The following PCYT1B variants were observed in gnomAD, a reference collection of about 807,000 sequenced individuals.
PCYT1B encodes choline-phosphate cytidylyltransferase B.
PCYT1B carries 10 observed loss-of-function variants against 26.4 expected under a neutral mutation model. That is an observed-to-expected ratio of 0.38 (90% confidence interval 0.23 to 0.64). PCYT1B has a LOEUF of 0.64. Among genes scored for constraint, PCYT1B ranks in the 30% least tolerant of loss-of-function variants. PCYT1B has a pLI of 0.56. For missense variants in PCYT1B, 161 were observed against 292.7 expected (o/e 0.55, Z 3.28); for synonymous variants, 131 against 108.4 (o/e 1.21, Z -1.29).
chrX:24,573,151 C>T (rs1300447119), intron 7 of PCYT1B, among the ~76,000 whole-genome samples: 2 of 73,427 alleles, frequency 2.7e-5, no homozygotes, highest in African/African-American at 4.2e-5. Flanking sequence ...CACACACACA[C>T]ACACACACAC....
chrX:24,618,695 G>A (rs944048491), intron 2 of PCYT1B, among the ~76,000 whole-genome samples: 3 of 108,112 alleles, frequency 2.8e-5, no homozygotes, highest in Non-Finnish European at 5.7e-5. Context: ...TCGGCTCACT[G>A]CAATCTCCAC....
intron 5 of PCYT1B, among the ~76,000 whole-genome samples, chrX:24,582,558 A>C (rs1379480390): frequency 1.8e-5 from 2 of 112,454 alleles, no homozygotes; most frequent in Non-Finnish European, 3.8e-5. Context: ...AGCTATTTTA[A>C]GAAGCAGCAA....
At chrX:24,611,591 A>G (rs762361066) in intron 2 of PCYT1B, among the ~76,000 whole-genome samples, 1 of 111,734 alleles carries the variant, frequency 8.9e-6, no homozygotes, top group African/African-American at 3.2e-5. Flanking sequence ...CACCCCTTGA[A>G]GTGCGTGTGG....
chrX:24,579,542 G>T (rs1385984150), intron 5 of PCYT1B, 84 bp from the exon 6 acceptor site: 1 of 921,367 alleles, frequency 1.1e-6, no homozygotes, highest in Non-Finnish European at 1.5e-6. Flanking sequence ...CCCTTTACAG[G>T]ACAAAGTTGG....
At chrX:24,579,650 T>TTCA (rs1340536039) in intron 5 of PCYT1B, among the ~76,000 whole-genome samples, 192 bp from the exon 6 acceptor site, 1 of 111,100 alleles carries the variant, frequency 9.0e-6, no homozygotes, top group African/African-American at 3.3e-5. Flanking sequence ...ATGCTACATG[T>TTCA]TCATCATCCC....
chrX:24,579,381 C>T lies in PCYT1B; in HGVS notation c.643G>A (p.Val215Ile). 1 of 1,208,236 alleles carries T rather than the reference C, an allele frequency of 8.3e-7. No individual in the cohort carries two copies. Among genetic ancestry groups the T allele is most frequent in the Non-Finnish European group, 1.1e-6 (1 of 892,623 alleles). The change falls in exon 6 of 8, where the codon GTT becomes ATT. Residue 215 changes from valine (V) to isoleucine (I), a missense_variant. Around this residue, in one of 4 missense-constraint regions of PCYT1B, gnomAD observed 65 missense variants for 145.0 expected, o/e 0.45. Coordinates refer to ENST00000379144, the MANE Select transcript of PCYT1B (RefSeq NM_004845.5). ...IITRIVRDYD[V>I]YARRNLQRGY... ...CTCTGGAGGTTACGTCGGGCATAAA[C>T]ATCATAGTCACGAACAATTCTGGTA...
intron 1 of PCYT1B, among the ~76,000 whole-genome samples, chrX:24,659,707 C>T (rs894410284): frequency 4.5e-5 from 5 of 111,390 alleles, no homozygotes; most frequent in Admixed American, 1.9e-4. Context: ...TCCATCATCC[C>T]ATGGCAGAAA....
chrX:24,580,222 T>C (rs1292667363), intron 5 of PCYT1B, among the ~76,000 whole-genome samples: 1 of 112,488 alleles, frequency 8.9e-6, no homozygotes, highest in African/African-American at 3.2e-5. Flanking sequence ...AAAGCACTGA[T>C]AGTGCCTTAA....
chrX:24,650,046 T>A (rs1207077705), upstream of PCYT1B: 1 of 112,264 alleles, frequency 8.9e-6, no homozygotes, highest in Non-Finnish European at 1.9e-5. Context: ...AATAGGCTCT[T>A]TCAGGCACCA....
At chrX:24,596,899 T>A (rs1171281925) in intron 3 of PCYT1B, among the ~76,000 whole-genome samples, 2 of 111,011 alleles carry the variant, frequency 1.8e-5, no homozygotes, top group African/African-American at 3.3e-5. Context: ...TAACTCACTG[T>A]AAGCATTTTA....
intron 3 of PCYT1B, among the ~76,000 whole-genome samples, chrX:24,606,814 T>A (rs1925152081): frequency 8.9e-6 from 1 of 111,788 alleles, no homozygotes; most frequent in African/African-American, 3.2e-5. Flanking sequence ...TTGCAGTGAG[T>A]CAAGATTGCA....
At chrX:24,611,980 A>C (rs955036750) in intron 2 of PCYT1B, among the ~76,000 whole-genome samples, 14 of 111,817 alleles carry the variant, frequency 1.3e-4, no homozygotes, top group Non-Finnish European at 9.4e-5. Context: ...TCAAAAAAAA[A>C]CAAAAACAAC....
chrX:24,569,258 C>G (rs773422660), intron 7 of PCYT1B, among the ~76,000 whole-genome samples: 1 of 107,748 alleles, frequency 9.3e-6, no homozygotes, highest in East Asian at 2.8e-4. Flanking sequence ...AAAATTAGGA[C>G]GATTATTTAA....
intron 1 of PCYT1B, among the ~76,000 whole-genome samples, chrX:24,636,484 A>G (rs1335324528): frequency 8.9e-6 from 1 of 111,818 alleles, no homozygotes; most frequent in Non-Finnish European, 1.9e-5. Context: ...GTGGTGGCAC[A>G]TGCCTGTAAT....
chrX:24,575,005 G>T, intron 7 of PCYT1B, 125 bp downstream of exon 7: 2 of 479,919 alleles, frequency 4.2e-6, no homozygotes, highest in Non-Finnish European at 6.7e-6. Flanking sequence ...AGTCATTCAG[G>T]CTGATGCCTA....
rs1923431050 is a variant in PCYT1B, at chrX:24,561,922, G to A, written c.*371C>T. 8 of 485,979 alleles carry A rather than the reference G, an allele frequency of 1.6e-5. No individual in the cohort carries two copies. Among genetic ancestry groups the A allele is most frequent in the Middle Eastern group, 4.6e-4 (1 of 2,174 alleles). The allele number at this position is 485,979 out of a possible 1,213,427, so 40.1% of individuals were successfully genotyped here. A position where few individuals can be genotyped will look rare whatever the true frequency, so the allele number is the denominator to read the frequency against. On this transcript the variant is annotated 3_prime_UTR_variant, in exon 8 of 8. Coordinates refer to ENST00000379144, the MANE Select transcript of PCYT1B (RefSeq NM_004845.5). ...ACCCTTATGGACGCAGAAGTAGCAG[G>A]TTGAGGGAACAGCCGCTGCCACAGG...
intron 3 of PCYT1B, 81 bp from the exon 4 acceptor site, chrX:24,590,255 C>T: frequency 1.1e-6 from 1 of 883,215 alleles, no homozygotes; most frequent in South Asian, 2.9e-5. Context: ...AAGGCTTCTT[C>T]AGCAGGACAA....
chrX:24,631,016 G>A (rs1359343538), intron 1 of PCYT1B, among the ~76,000 whole-genome samples: 1 of 111,396 alleles, frequency 9.0e-6, no homozygotes, highest in Admixed American at 9.5e-5. Context: ...TCTGCCTCCT[G>A]GGTTCACGCC....
chrX:24,618,979 C>T lies in PCYT1B; in HGVS notation c.217+6G>A, dbSNP rs754315852. On this transcript the variant is annotated splice_donor_region_variant and intron_variant, in intron 2 of 7. Coordinates refer to ENST00000379144, the MANE Select transcript of PCYT1B (RefSeq NM_004845.5). Reference sequence around the variant, plus strand: ...GCCCATTTAAGACAAAGAAGTACAGCCTCACCTGGTGTTCCTAAGCGGGCC... The same window carrying T: ...GCCCATTTAAGACAAAGAAGTACAGTCTCACCTGGTGTTCCTAAGCGGGCC... 9.1e-7 allele frequency: 1 copy of T among 1,097,728 alleles called. No individual in the cohort carries two copies. Among genetic ancestry groups the T allele is most frequent in the African/African-American group, 1.8e-5 (1 of 54,789 alleles). The allele number at this position is 1,097,728 out of a possible 1,213,427, so 90.5% of individuals were successfully genotyped here. A position where few individuals can be genotyped will look rare whatever the true frequency, so the allele number is the denominator to read the frequency against.
Sources: allele counts gnomAD v4.1 joint callset (sites outside exome capture counted in the v4.1 genomes callset), GRCh38; gene constraint gnomAD v4.1.1; regional missense constraint gnomAD v4.1.1; transcripts MANE v1.5; gene names NCBI Gene and HGNC (gene_info 2026-07-23, HGNC 2026-07-21).